SMAD5: variants seen among roughly 807,000 people sequenced by gnomAD.
The protein encoded by SMAD5 is MAD, mothers against decapentaplegic homolog 5.
Under a neutral mutation model 43.1 loss-of-function variants are expected in SMAD5, and 9 were observed. The ratio of observed to expected loss-of-function variants is 0.21; its 90% CI spans 0.13 to 0.36. SMAD5 has a LOEUF of 0.36. Among genes scored for constraint, SMAD5 ranks in the 10% least tolerant of loss-of-function variants. The pLI is 1.00. For synonymous variants in SMAD5, 190 were observed against 192.4 expected, an observed-to-expected ratio of 0.99 and a Z score of 0.10; for missense variants, 348 against 574.0, an observed-to-expected ratio of 0.61 and a Z score of 4.02.
chr5:136,164,134 A>T (rs1157348529), intron 5 of SMAD5, among the ~76,000 whole-genome samples: 1 of 152,212 alleles, frequency 6.6e-6, no homozygotes, highest in Non-Finnish European at 1.5e-5. Flanking sequence ...CTGAGGTTGC[A>T]GTGAGCTGAG....
intron 3 of SMAD5, 62 bp from the exon 4 acceptor site, chr5:136,160,794 A>C (rs1449366198): frequency 3.3e-6 from 5 of 1,536,556 alleles, no homozygotes; most frequent in Non-Finnish European, 2.7e-6. Flanking sequence ...CCAACCCCTT[A>C]GTGTGGATGG....
chr5:136,167,503 C>T (rs182980314), intron 5 of SMAD5, among the ~76,000 whole-genome samples: 156 of 152,058 alleles, frequency 1.0e-3, no homozygotes, highest in Admixed American at 1.8e-3. Flanking sequence ...GTTGGCTGGG[C>T]GCAGTGGCTC....
chr5:136,145,989 T>C (rs986473657), intron 1 of SMAD5, among the ~76,000 whole-genome samples: 1 of 151,936 alleles, frequency 6.6e-6, no homozygotes, highest in South Asian at 2.1e-4. Context: ...TTTATATCTT[T>C]AGGGCAACTC....
At chr5:136,175,629 A>G (rs1226239972) in intron 7 of SMAD5, among the ~76,000 whole-genome samples, 3 of 152,186 alleles carry the variant, frequency 2.0e-5, no homozygotes, top group Non-Finnish European at 4.4e-5. Flanking sequence ...TATTTAAGCA[A>G]TCTGTACTGT....
chr5:136,153,362 CT>C (rs1753530084), intron 2 of SMAD5, among the ~76,000 whole-genome samples: 1 of 152,030 alleles, frequency 6.6e-6, no homozygotes, highest in Non-Finnish European at 1.5e-5. Flanking sequence ...GTAGAGCAAC[CT>C]GGTTTTGCCT....
Position 136,160,312 on chromosome 5 carries a change from T to A in SMAD5, c.404-544T>A, listed in dbSNP as rs116832437. On this transcript the variant is annotated intron_variant, in intron 3 of 7. Transcript: ENST00000545279. Reference sequence around the variant, plus strand: ...TGTTCATAATTGGAAATGTGGAAGTTTTTAGGGCATTCACATAACAGATTC... The same window carrying A: ...TGTTCATAATTGGAAATGTGGAAGTATTTAGGGCATTCACATAACAGATTC... Among the ~76,000 whole-genome samples, 515 of 152,210 alleles carry A rather than the reference T, an allele frequency of 3.4e-3. 7 individuals are homozygous for A. Among genetic ancestry groups the A allele is most frequent in the African/African-American group, 0.012 (479 of 41,532 alleles).
intron 5 of SMAD5, among the ~76,000 whole-genome samples, chr5:136,166,461 A>G (rs1363562164): frequency 1.3e-5 from 2 of 152,096 alleles, no homozygotes; most frequent in Non-Finnish European, 2.9e-5. Flanking sequence ...TTATCAAGAA[A>G]TCTCATTATA....
intron 3 of SMAD5, among the ~76,000 whole-genome samples, chr5:136,158,513 A>G (rs1373331891): frequency 6.6e-6 from 1 of 152,220 alleles, no homozygotes; most frequent in Non-Finnish European, 1.5e-5. Flanking sequence ...GATGAGGTCC[A>G]GGAAATGTGA....
intron 1 of SMAD5, among the ~76,000 whole-genome samples, chr5:136,136,121 G>C (rs879489330): frequency 6.6e-6 from 1 of 152,194 alleles, no homozygotes; most frequent in Non-Finnish European, 1.5e-5. Context: ...AGGAAGCTGG[G>C]ATGCAATATA....
At chr5:136,142,004 A>T (rs1753097290) in intron 1 of SMAD5, among the ~76,000 whole-genome samples, 1 of 152,308 alleles carries the variant, frequency 6.6e-6, no homozygotes, top group Middle Eastern at 3.4e-3. Flanking sequence ...AAAAATATAG[A>T]ATTAGATGAA....
intron 5 of SMAD5, among the ~76,000 whole-genome samples, chr5:136,167,925 C>T (rs1294482100): frequency 1.3e-5 from 2 of 152,064 alleles, no homozygotes; most frequent in Admixed American, 1.3e-4. Context: ...TTGAATACAG[C>T]GGCACAATTC....
At chr5:136,145,251 T>C (rs1335541249) in intron 1 of SMAD5, among the ~76,000 whole-genome samples, 1 of 152,000 alleles carries the variant, frequency 6.6e-6, no homozygotes, top group African/African-American at 2.4e-5. Context: ...TTTCTGTTGC[T>C]GTCATTTCAG....
At position 136,182,356 on chromosome 5, in the gene SMAD5, G is replaced by T. The variant is rs915477588; in HGVS notation, c.*4876G>T. The T allele has an allele frequency of 2.0e-5, 3 of 152,084 alleles. No homozygotes were observed. The highest frequency in any genetic ancestry group is 4.4e-5 in the Non-Finnish European group (3 of 68,014). 9.4% of individuals were successfully genotyped at this position (152,084 alleles called of 1,614,324 possible). A position where few individuals can be genotyped will look rare whatever the true frequency, so the allele number is the denominator to read the frequency against. On this transcript the variant is annotated 3_prime_UTR_variant, in exon 8 of 8. Transcript: ENST00000545279. ...ACTCTAGAAGATAATGGTTAGGCAAGTGATTTTTTTTTTAAATATGGTTGG... is the reference window on the plus strand; with the variant it reads ...ACTCTAGAAGATAATGGTTAGGCAATTGATTTTTTTTTTAAATATGGTTGG...
At chr5:136,174,336 G>C in intron 6 of SMAD5, 40 bp from the exon 7 acceptor site, 2 of 1,594,718 alleles carry the variant, frequency 1.3e-6, no homozygotes, top group Non-Finnish European at 8.6e-7. Context: ...TCATTGTAAT[G>C]ATTCTTTTAG....
chr5:136,173,180 ATCTT>A (rs1754285018), intron 6 of SMAD5, among the ~76,000 whole-genome samples: 1 of 151,898 alleles, frequency 6.6e-6, no homozygotes, highest in South Asian at 2.1e-4. Flanking sequence ...CACTGCTCCC[ATCTT>A]TTAAATTTAG....
At position 136,160,930 on chromosome 5, in the gene SMAD5, C is replaced by G. The variant is rs1753802859; in HGVS notation, c.478C>G (p.Leu160Val). 6.2e-7 allele frequency: 1 copy of G among 1,613,876 alleles called. No homozygotes were observed. The highest frequency in any genetic ancestry group is 2.2e-5 in the East Asian group (1 of 44,876). ...CAGCCTTCTGGTTCAGTTTAGGAAC[C>G]TGAGCCACAATGAACCACACATGCC... ...QHSLLVQFRN[L>V]SHNEPHMPQN... is the part of the protein sequence containing the mutation. Residue 160 changes from leucine to valine, a missense_variant, in exon 4 of 8, where the codon CTG becomes GTG. Leu to Val is a conservative substitution (Grantham distance 32). Around this residue, in one of 5 missense-constraint regions of SMAD5, gnomAD observed 185 missense variants for 207.0 expected, o/e 0.89. Transcript: ENST00000545279.
chr5:136,138,671 T>A (rs922998969), intron 1 of SMAD5, among the ~76,000 whole-genome samples: 9 of 152,104 alleles, frequency 5.9e-5, no homozygotes, highest in Non-Finnish European at 1.2e-4. Context: ...TTTAAAGCTT[T>A]ACCCCCACAT....
At chr5:136,140,023 CTTT>C (rs796179216) in intron 1 of SMAD5, among the ~76,000 whole-genome samples, 7 of 134,950 alleles carry the variant, frequency 5.2e-5, no homozygotes, top group Admixed American at 7.5e-5. Flanking sequence ...CAGGATAACT[CTTT>C]TTTTTTTTTT....
intron 1 of SMAD5, among the ~76,000 whole-genome samples, chr5:136,145,473 G>A (rs1753229547): frequency 6.6e-6 from 1 of 151,874 alleles, no homozygotes; most frequent in South Asian, 2.1e-4. Flanking sequence ...GATGGCAGAA[G>A]GATGATACTG....
Sources: gnomAD v4.1 joint callset for allele counts (sites outside exome capture counted in the v4.1 genomes callset) on GRCh38, gnomAD v4.1.1 for gene constraint, gnomAD v4.1.1 regional missense constraint, MANE v1.5 for transcripts, NCBI Gene and HGNC (gene_info 2026-07-23, HGNC 2026-07-21) for gene names.